The following PTPRD variants were observed in gnomAD, a reference collection of about 807,000 sequenced individuals.
PTPRD encodes receptor-type tyrosine-protein phosphatase delta.
A neutral mutation model predicts 214.5 loss-of-function variants in PTPRD; 34 were observed. The observed-to-expected ratio is 0.16, with a 90% CI of 0.12 to 0.21. The LOEUF is 0.21. Among genes scored for constraint, PTPRD ranks in the 10% least tolerant of loss-of-function variants. The pLI, the probability that PTPRD is intolerant of heterozygous loss-of-function variation, is 1.00. For missense variants in PTPRD, 2,545 were observed against 2,398.7 expected, an observed-to-expected ratio of 1.06 and a Z score of -1.27; for synonymous variants, 1,128 against 845.7, an observed-to-expected ratio of 1.33 and a Z score of -5.79.
At chr9:9,693,733 C>T (rs949246945) in intron 7 of PTPRD, among the ~76,000 whole-genome samples, 1 of 152,154 alleles carries the variant, frequency 6.6e-6, no homozygotes, top group Non-Finnish European at 1.5e-5. Flanking sequence ...CTTAGACTTA[C>T]CCTTTTGAGG....
At chr9:10,211,433 G>T (rs1346663483) in intron 3 of PTPRD, among the ~76,000 whole-genome samples, 1 of 152,046 alleles carries the variant, frequency 6.6e-6, no homozygotes, top group Non-Finnish European at 1.5e-5. Context: ...CACTAATCTG[G>T]GAGCTGTAGT....
intron 11 of PTPRD, among the ~76,000 whole-genome samples, chr9:8,744,642 C>G (rs72702318): frequency 0.41 from 61,912 of 151,974 alleles, 15,291 homozygotes; most frequent in South Asian, 0.53. Context: ...TTTGGGGACT[C>G]AAGGGAAAGG....
At position 8,449,772 on chromosome 9, in the gene PTPRD, T is replaced by C. The variant is rs763372683; in HGVS notation, c.3941A>G (p.His1314Arg). 7 of 1,613,930 alleles carry C rather than the reference T, an allele frequency of 4.3e-6. No individual in the cohort carries two copies. The African/African-American group carries it at 8.0e-5, about 18-fold the overall frequency. Reference sequence around the variant, plus strand: ...CCTCAGTTCTACAGGGTCTGTTGGGTGGTGTGAAGGGATCTCCTTATTGTT... The same window carrying C: ...CCTCAGTTCTACAGGGTCTGTTGGGCGGTGTGAAGGGATCTCCTTATTGTT... ...IPNNKEIPSH[H>R]PTDPVELRRL... is the part of the protein sequence containing the mutation. The change falls in exon 34 of 46, where the codon CAC becomes CGC. Residue 1314 changes from histidine to arginine, a missense_variant. Physicochemically the swap from His to Arg is conservative, Grantham distance 29 (BLOSUM62 0). Transcript: ENST00000381196.
intron 8 of PTPRD, among the ~76,000 whole-genome samples, chr9:9,573,521 A>G (rs2087265255): frequency 6.6e-6 from 1 of 151,678 alleles, no homozygotes; most frequent in South Asian, 2.1e-4. Context: ...CTCTATGTAT[A>G]TAAGATAATT....
chr9:8,575,767 G>C (rs201924486), intron 14 of PTPRD, among the ~76,000 whole-genome samples: 1 of 152,086 alleles, frequency 6.6e-6, no homozygotes, highest in East Asian at 1.9e-4. Flanking sequence ...AAAACAAATG[G>C]GAAATTGTGC....
chr9:9,818,293 T>C (rs1258147921), intron 5 of PTPRD, among the ~76,000 whole-genome samples: 2 of 152,138 alleles, frequency 1.3e-5, no homozygotes, highest in Non-Finnish European at 2.9e-5. Flanking sequence ...GCTGCCAATG[T>C]GTAAAATCAA....
intron 11 of PTPRD, among the ~76,000 whole-genome samples, chr9:8,964,248 C>T (rs1336057657): frequency 2.2e-5 from 2 of 89,748 alleles, no homozygotes; most frequent in African/African-American, 8.8e-5. Context: ...TGATGTTGGT[C>T]TGTTCAGTGT....
chr9:9,496,243 C>T (rs1356479130), intron 8 of PTPRD, among the ~76,000 whole-genome samples: 2 of 151,780 alleles, frequency 1.3e-5, no homozygotes, highest in Non-Finnish European at 2.9e-5. Context: ...TAAAATTGTA[C>T]AGCAAAATAG....
intron 2 of PTPRD, among the ~76,000 whole-genome samples, chr9:10,428,243 G>A (rs750934404): frequency 5.9e-5 from 9 of 152,056 alleles, no homozygotes; most frequent in South Asian, 4.2e-4. Context: ...TGTTTGAACC[G>A]GGGAGACAGA....
chr9:10,057,457 C>T (rs2097675223), intron 3 of PTPRD, among the ~76,000 whole-genome samples: 1 of 151,966 alleles, frequency 6.6e-6, no homozygotes, highest in Non-Finnish European at 1.5e-5. Context: ...AACTTCCAAA[C>T]ATTCGCACTC....
Position 10,576,125 on chromosome 9 carries a change from T to A in PTPRD, c.-600+36273A>T, listed in dbSNP as rs1404852390. The stretch of plus-strand genomic sequence containing the variant: ...TTCCATTTCTTCCCTTGCCTATGAA[T>A]CACTTGGGAAGCTAAAATGCATTTT... On this transcript the variant is annotated intron_variant, in intron 2 of 45. Transcript: ENST00000381196. Among the ~76,000 whole-genome samples, 3 of 152,206 alleles carry A rather than the reference T, an allele frequency of 2.0e-5. No homozygotes were observed. In the East Asian group the frequency reaches 5.8e-4, roughly 29 times the overall value.
chr9:10,029,922 G>A (rs560289073), intron 4 of PTPRD, among the ~76,000 whole-genome samples: 8 of 152,248 alleles, frequency 5.3e-5, no homozygotes, highest in African/African-American at 1.9e-4. Flanking sequence ...GTTGTGGGAG[G>A]GACCAGGTGG....
At chr9:9,962,238 G>A (rs1036281928) in intron 4 of PTPRD, among the ~76,000 whole-genome samples, 1 of 152,004 alleles carries the variant, frequency 6.6e-6, no homozygotes. Context: ...GTTATCCTAG[G>A]AGAAAGAAAA....
chr9:8,906,136 T>C (rs10759016), intron 11 of PTPRD, among the ~76,000 whole-genome samples: 75,698 of 152,106 alleles, frequency 0.5, 22,316 homozygotes, highest in Non-Finnish European at 0.65. Flanking sequence ...TAAGGACCTA[T>C]GCCCTGAGTT....
chr9:9,031,680 C>T (rs2099605948), intron 10 of PTPRD, among the ~76,000 whole-genome samples: 2 of 152,112 alleles, frequency 1.3e-5, no homozygotes, highest in South Asian at 2.1e-4. Context: ...TGAATTTCTT[C>T]TTGAAGGAGA....
chr9:8,375,904 T>C, intron 39 of PTPRD, 32 bp downstream of exon 39: 1 of 1,593,880 alleles, frequency 6.3e-7, no homozygotes. Context: ...AGCTTTCTGT[T>C]TCCTGACTGC....
chr9:8,336,975 T>C (rs1046995405), intron 43 of PTPRD, among the ~76,000 whole-genome samples: 2 of 152,190 alleles, frequency 1.3e-5, no homozygotes, highest in Non-Finnish European at 1.5e-5. Context: ...TGTGGAGAAA[T>C]AGGAATGCTT....
chr9:9,831,063 C>T (rs1269195526), intron 5 of PTPRD, among the ~76,000 whole-genome samples: 2 of 151,772 alleles, frequency 1.3e-5, no homozygotes, highest in African/African-American at 4.8e-5. Flanking sequence ...AGGTGAAATG[C>T]CTTATTTATT....
At chr9:8,930,881 A>C (rs1036950417) in intron 11 of PTPRD, among the ~76,000 whole-genome samples, 11 of 152,034 alleles carry the variant, frequency 7.2e-5, no homozygotes, top group Admixed American at 1.3e-4. Context: ...AGATGAGTAG[A>C]TTGCAAAAAT....
Sources: gnomAD v4.1 joint callset for allele counts (sites outside exome capture counted in the v4.1 genomes callset) on GRCh38, gnomAD v4.1.1 for gene constraint, MANE v1.5 for transcripts, NCBI Gene and HGNC (gene_info 2026-07-23, HGNC 2026-07-21) for gene names.